The following WWOX variants were observed in gnomAD, a reference collection of about 807,000 sequenced individuals.
WWOX encodes the protein WW domain containing oxidoreductase, also known as WW domain-containing oxidoreductase.
In WWOX, 69 loss-of-function variants were observed where a neutral mutation model predicts 46.2. That is an observed-to-expected ratio of 1.49 (90% CI 1.23 to 1.82). The LOEUF is 1.82. WWOX is among the 40% of genes most tolerant of loss of function. The pLI, the probability that WWOX is intolerant of heterozygous loss-of-function variation, is 0.00. For synonymous variants in WWOX, 359 were observed against 202.6 expected (o/e 1.77, Z -6.56); for missense variants, 919 against 542.6 (o/e 1.69, Z -6.89).
intron 8 of WWOX, among the ~76,000 whole-genome samples, chr16:79,078,833 A>C (rs2048707849): frequency 6.6e-6 from 1 of 152,178 alleles, no homozygotes; most frequent in South Asian, 2.1e-4. Context: ...CTAACGGTTA[A>C]AGTGACATGG....
At position 79,019,157 on chromosome 16, in the gene WWOX, CAA is replaced by C. The variant is rs903333994; in HGVS notation, c.1057-192424_1057-192423del. ...TGGGCAGCAGAGTGCGACCTTGTCTCAAAAAAAAAAAAAAAAAAAAAAAAAAA... is the reference window on the plus strand; with the variant it reads ...TGGGCAGCAGAGTGCGACCTTGTCTCAAAAAAAAAAAAAAAAAAAAAAAAA... On this transcript the variant is annotated intron_variant, in intron 8 of 8. Transcript: ENST00000566780. Among the ~76,000 whole-genome samples, 125 of 24,566 alleles carry C rather than the reference CAA, an allele frequency of 5.1e-3. 4 individuals are homozygous for C. Among genetic ancestry groups the C allele is most frequent in the Admixed American group, 0.018 (20 of 1,096 alleles). The allele number at this position is 24,566 out of a possible 152,430, so 16.1% of individuals were successfully genotyped here. A position where few individuals can be genotyped will look rare whatever the true frequency, so the allele number is the denominator to read the frequency against.
At position 78,234,325 on chromosome 16, in the gene WWOX, C is replaced by T. The variant is rs539919239; in HGVS notation, c.516+70036C>T. On this transcript the variant is annotated intron_variant, in intron 5 of 8. Coordinates refer to ENST00000566780, the MANE Select transcript of WWOX (RefSeq NM_016373.4). ...GATGTAGGCCTTTTAAAATCAATTC[C>T]TCCCTGTTATTACAATGCTGCTTTA... Among the ~76,000 whole-genome samples, 66 of 151,982 alleles carry T rather than the reference C, an allele frequency of 4.3e-4. 1 individual carries two copies. Among genetic ancestry groups the T allele is most frequent in the Admixed American group, 1.9e-3 (29 of 15,272 alleles).
chr16:79,067,587 C>T (rs1016690894), intron 8 of WWOX, among the ~76,000 whole-genome samples: 2 of 144,312 alleles, frequency 1.4e-5, no homozygotes, highest in African/African-American at 5.3e-5. Context: ...TCATGCTCAT[C>T]CTCTGCCTGC....
At chr16:79,160,084 G>A (rs1241405173) in intron 8 of WWOX, among the ~76,000 whole-genome samples, 1 of 152,228 alleles carries the variant, frequency 6.6e-6, no homozygotes, top group Non-Finnish European at 1.5e-5. Flanking sequence ...TGCAGTGAGA[G>A]TGCTGGCATC....
intron 8 of WWOX, among the ~76,000 whole-genome samples, chr16:78,521,784 T>C (rs992405919): frequency 2.8e-5 from 2 of 72,310 alleles, no homozygotes; most frequent in African/African-American, 1.6e-4. Context: ...ACATAACTTG[T>C]TTTTTTTTTT....
intron 5 of WWOX, among the ~76,000 whole-genome samples, chr16:78,312,989 G>A (rs1280580293): frequency 6.6e-6 from 1 of 152,218 alleles, no homozygotes; most frequent in Non-Finnish European, 1.5e-5. Flanking sequence ...TACCTGTTGA[G>A]TGATTGTGAA....
intron 8 of WWOX, among the ~76,000 whole-genome samples, chr16:78,900,833 C>G (rs2044812867): frequency 7.6e-6 from 1 of 131,434 alleles, no homozygotes; most frequent in African/African-American, 2.8e-5. Flanking sequence ...TACTTTTAAT[C>G]AGAGCCTTTT....
chr16:78,649,953 T>A (rs373297873), intron 8 of WWOX, among the ~76,000 whole-genome samples: 26 of 152,332 alleles, frequency 1.7e-4, no homozygotes, highest in African/African-American at 5.8e-4. Flanking sequence ...CTTGATTCAT[T>A]TCTCTTATCT....
intron 8 of WWOX, among the ~76,000 whole-genome samples, chr16:78,465,816 C>A (rs1361195132): frequency 6.6e-6 from 1 of 152,022 alleles, no homozygotes; most frequent in African/African-American, 2.4e-5. Context: ...AATAACTGAT[C>A]TTTACAGTCT....
intron 8 of WWOX, among the ~76,000 whole-genome samples, chr16:78,590,614 G>C (rs960456437): frequency 6.6e-6 from 1 of 151,742 alleles, no homozygotes; most frequent in Admixed American, 6.6e-5. Flanking sequence ...TGCAGTTTGT[G>C]TGTTAAGGCA....
chr16:78,782,321 C>G (rs1403321518), intron 8 of WWOX, among the ~76,000 whole-genome samples: 3 of 152,198 alleles, frequency 2.0e-5, no homozygotes, highest in African/African-American at 7.2e-5. Flanking sequence ...TGCTCCCTCT[C>G]CATCCTCTCT....
intron 5 of WWOX, among the ~76,000 whole-genome samples, chr16:78,245,686 C>T (rs1406649154): frequency 6.6e-6 from 1 of 152,184 alleles, no homozygotes; most frequent in Non-Finnish European, 1.5e-5. Flanking sequence ...GGGGATTTGT[C>T]ATCCCATAGA....
At chr16:78,935,534 C>G (rs1474511522) in intron 8 of WWOX, among the ~76,000 whole-genome samples, 2 of 147,600 alleles carry the variant, frequency 1.4e-5, no homozygotes, top group African/African-American at 2.6e-5. Context: ...CATGTTCTCA[C>G]TAATAGGTGG....
intron 8 of WWOX, among the ~76,000 whole-genome samples, chr16:78,581,239 C>G (rs1016928773): frequency 6.6e-6 from 1 of 152,118 alleles, no homozygotes; most frequent in Non-Finnish European, 1.5e-5. Flanking sequence ...TAAAATGACA[C>G]TACATTAATT....
chr16:78,593,114 G>T (rs140117148), intron 8 of WWOX, among the ~76,000 whole-genome samples: 1 of 152,242 alleles, frequency 6.6e-6, no homozygotes, highest in East Asian at 1.9e-4. Flanking sequence ...GGACCCACTG[G>T]GAGTTTGTGC....
At chr16:78,802,668 C>T (rs2050921160) in intron 8 of WWOX, among the ~76,000 whole-genome samples, 1 of 151,770 alleles carries the variant, frequency 6.6e-6, no homozygotes. Flanking sequence ...GTAATCCCAG[C>T]ACTTTGAGAG....
chr16:78,590,606 C>A (rs972448182), intron 8 of WWOX, among the ~76,000 whole-genome samples: 2 of 152,086 alleles, frequency 1.3e-5, no homozygotes, highest in Non-Finnish European at 1.5e-5. Flanking sequence ...AGTTCTCCTG[C>A]AGTTTGTGTG....
chr16:78,480,383 CTT>C (rs2084457979), intron 8 of WWOX, among the ~76,000 whole-genome samples: 1 of 152,210 alleles, frequency 6.6e-6, no homozygotes, highest in Non-Finnish European at 1.5e-5. Flanking sequence ...CCATTAAACT[CTT>C]TCATTTATTA....
chr16:78,806,648 C>T (rs1017946250), intron 8 of WWOX, among the ~76,000 whole-genome samples: 1 of 151,934 alleles, frequency 6.6e-6, no homozygotes, highest in Non-Finnish European at 1.5e-5. Context: ...GGTGAGCGTC[C>T]CAAGAGAAAG....
Sources: allele counts gnomAD v4.1 joint callset (sites outside exome capture counted in the v4.1 genomes callset), GRCh38; gene constraint gnomAD v4.1.1; transcripts MANE v1.5; gene names NCBI Gene and HGNC (gene_info 2026-07-23, HGNC 2026-07-21).